The following NRXN3 variants were observed in gnomAD, a reference collection of about 807,000 sequenced individuals.
NRXN3 encodes the protein neurexin III.
A neutral mutation model predicts 137.6 loss-of-function variants in NRXN3; 32 were observed. The observed-to-expected ratio is 0.23, with a 90% CI of 0.18 to 0.31. NRXN3 has a LOEUF of 0.31. NRXN3 is among the 10% of genes least tolerant of loss of function. The probability of loss-of-function intolerance (pLI) is 1.00; values close to 1 mark genes in which losing one functional copy is unlikely to be tolerated. For missense variants in NRXN3, 1,574 were observed against 2,062.5 expected (o/e 0.76, Z 4.59); for synonymous variants, 798 against 784.5 (o/e 1.02, Z -0.29).
chr14:78,860,721 T>C (rs1220560980), intron 10 of NRXN3, among the ~76,000 whole-genome samples: 1 of 151,838 alleles, frequency 6.6e-6, no homozygotes, highest in Non-Finnish European at 1.5e-5. Flanking sequence ...AAAGAGAAAA[T>C]ATATTTACTA....
intron 19 of NRXN3, among the ~76,000 whole-genome samples, chr14:79,708,913 T>C (rs1343002192): frequency 2.6e-5 from 4 of 152,100 alleles, no homozygotes; most frequent in Non-Finnish European, 4.4e-5. Flanking sequence ...TGATGGGAAT[T>C]TGATTGACTT....
chr14:79,036,693 G>A (rs1236459715), intron 15 of NRXN3, among the ~76,000 whole-genome samples: 1 of 144,676 alleles, frequency 6.9e-6, no homozygotes, highest in Non-Finnish European at 1.5e-5. Context: ...TTATGATAAC[G>A]ACAGTCCCGA....
intron 4 of NRXN3, among the ~76,000 whole-genome samples, chr14:78,577,973 G>A (rs995248414): frequency 3.3e-5 from 5 of 152,066 alleles, no homozygotes; most frequent in African/African-American, 1.2e-4. Context: ...AGAGTGCTCT[G>A]CTGATTGTGG....
At chr14:78,763,542 C>T (rs941953332) in intron 8 of NRXN3, among the ~76,000 whole-genome samples, 12 of 151,806 alleles carry the variant, frequency 7.9e-5, no homozygotes, top group African/African-American at 2.9e-4. Context: ...AAATACCAAG[C>T]ACTGTGTTAA....
intron 4 of NRXN3, among the ~76,000 whole-genome samples, chr14:78,510,306 A>G (rs1447081302): frequency 2.0e-5 from 3 of 151,570 alleles, no homozygotes; most frequent in African/African-American, 7.3e-5. Context: ...AGGAAGCTAT[A>G]ATAATAATAA....
chr14:78,272,233 T>C (rs968577393), intron 2 of NRXN3, among the ~76,000 whole-genome samples: 1 of 152,148 alleles, frequency 6.6e-6, no homozygotes, highest in Non-Finnish European at 1.5e-5. Flanking sequence ...AAGGCCCTCA[T>C]GCACGTTTAT....
At chr14:79,249,262 T>C (rs1459225195) in intron 15 of NRXN3, among the ~76,000 whole-genome samples, 3 of 152,128 alleles carry the variant, frequency 2.0e-5, no homozygotes, top group Non-Finnish European at 2.9e-5. Context: ...GGGGTACTCA[T>C]TACAAAACTG....
intron 15 of NRXN3, among the ~76,000 whole-genome samples, chr14:79,465,473 G>A (rs1162869387): frequency 6.6e-6 from 1 of 152,170 alleles, no homozygotes; most frequent in East Asian, 1.9e-4. Flanking sequence ...AACTAGAATA[G>A]TGACCTTTCA....
At chr14:79,475,027 C>T (rs2096547887) in intron 16 of NRXN3, among the ~76,000 whole-genome samples, 2 of 151,996 alleles carry the variant, frequency 1.3e-5, no homozygotes, top group African/African-American at 2.4e-5. Context: ...GTCGTATACT[C>T]GGGGATAGAG....
At chr14:78,464,362 G>C (rs1198444136) in intron 4 of NRXN3, among the ~76,000 whole-genome samples, 1 of 152,178 alleles carries the variant, frequency 6.6e-6, no homozygotes, top group Non-Finnish European at 1.5e-5. Context: ...AGCTGAAAAG[G>C]AGAGTTTTTG....
At chr14:79,659,802 C>T (rs1334912897) in intron 16 of NRXN3, among the ~76,000 whole-genome samples, 3 of 152,260 alleles carry the variant, frequency 2.0e-5, no homozygotes, top group African/African-American at 4.8e-5. Flanking sequence ...TAAGAGCCAT[C>T]GCTGTTATTT....
chr14:78,270,469 T>G (rs138713964), intron 2 of NRXN3, among the ~76,000 whole-genome samples: 10 of 152,298 alleles, frequency 6.6e-5, no homozygotes, highest in African/African-American at 2.4e-4. Flanking sequence ...AGTGCCCATC[T>G]GCTATGAGGA....
intron 19 of NRXN3, among the ~76,000 whole-genome samples, chr14:79,714,926 T>C (rs1346172487): frequency 6.6e-6 from 1 of 152,172 alleles, no homozygotes; most frequent in Non-Finnish European, 1.5e-5. Flanking sequence ...GGCTTTGTCA[T>C]GTCTGGTGCT....
At chr14:78,384,139 C>T in intron 4 of NRXN3, among the ~76,000 whole-genome samples, 1 of 152,040 alleles carries the variant, frequency 6.6e-6, no homozygotes, top group East Asian at 1.9e-4. Flanking sequence ...AGGTAGGAAC[C>T]AATGGGACTT....
chr14:78,548,182 A>G (rs1313375380), intron 4 of NRXN3, among the ~76,000 whole-genome samples: 3 of 152,234 alleles, frequency 2.0e-5, no homozygotes, highest in African/African-American at 7.2e-5. Context: ...TGCTGATACT[A>G]TAATTCCTTA....
At chr14:79,506,739 T>C (rs147409384) in intron 16 of NRXN3, among the ~76,000 whole-genome samples, 15 of 152,268 alleles carry the variant, frequency 9.9e-5, no homozygotes, top group African/African-American at 3.6e-4. Flanking sequence ...GACAACCCCA[T>C]AACCTTTCAT....
intron 4 of NRXN3, among the ~76,000 whole-genome samples, chr14:78,387,963 G>T (rs1349216180): frequency 6.6e-6 from 1 of 152,132 alleles, no homozygotes; most frequent in Non-Finnish European, 1.5e-5. Context: ...TTCTACCCCT[G>T]TGCCACATCC....
In NRXN3 at chr14:79,467,534, G is replaced by A. The variant is rs763688154; in HGVS notation, c.3444+132G>A. On this transcript the variant is annotated intron_variant, in intron 16 of 20. Transcript: ENST00000335750. ...ATGCTTATAAAAATTGTTTTCAGAT[G>A]TGAACCATCATATTTACAGGGTTCC... 2.5e-4 allele frequency: 193 copies of A among 769,484 alleles called. 1 individual carries two copies. The Middle Eastern group carries it at 3.8e-3, about 15-fold the overall frequency. The allele number at this position is 769,484 out of a possible 1,614,324, so 47.7% of individuals were successfully genotyped here. A position where few individuals can be genotyped will look rare whatever the true frequency, so the allele number is the denominator to read the frequency against.
At chr14:79,768,039 C>T (rs2099062259) in intron 19 of NRXN3, among the ~76,000 whole-genome samples, 1 of 152,184 alleles carries the variant, frequency 6.6e-6, no homozygotes, top group Non-Finnish European at 1.5e-5. Context: ...TGGGTCACTC[C>T]CACCTGAATA....
Sources: gnomAD v4.1 joint callset for allele counts (sites outside exome capture counted in the v4.1 genomes callset) on GRCh38, gnomAD v4.1.1 for gene constraint, MANE v1.5 for transcripts, NCBI Gene and HGNC (gene_info 2026-07-23, HGNC 2026-07-21) for gene names.